Variants in LHCGR observed in about 807,000 individuals in gnomAD.
The protein encoded by LHCGR is lutropin-choriogonadotropic hormone receptor.
A neutral mutation model predicts 60.7 loss-of-function variants in LHCGR; 55 were observed. The ratio of observed to expected loss-of-function variants is 0.91; its 90% CI spans 0.73 to 1.13. The LOEUF (loss-of-function observed/expected upper bound fraction) is 1.13. Among genes scored for constraint, LHCGR ranks in the 50% most tolerant of loss-of-function variants. LHCGR has a pLI of 0.00. For missense variants in LHCGR, 862 were observed against 836.0 expected, an observed-to-expected ratio of 1.03 and a Z score of -0.38; for synonymous variants, 337 against 316.5, an observed-to-expected ratio of 1.06 and a Z score of -0.69.
intron 6 of LHCGR, among the ~76,000 whole-genome samples, chr2:48,719,797 A>G (rs1469415130): frequency 6.6e-6 from 1 of 152,200 alleles, no homozygotes; most frequent in Admixed American, 6.5e-5. Flanking sequence ...CTCAAATACC[A>G]CTAATAATGA....
At chr2:48,694,335 G>A in intron 9 of LHCGR, 31 bp from the exon 10 acceptor site, 1 of 1,407,086 alleles carries the variant, frequency 7.1e-7, no homozygotes, top group Non-Finnish European at 1.0e-6. Flanking sequence ...AAAAGCATTT[G>A]AGCTTTTGGA....
Position 48,687,098 on chromosome 2 carries a change from A to T in LHCGR, c.*599T>A. The T allele has an allele frequency of 6.6e-6, 1 of 152,608 alleles. No homozygotes were observed. Among genetic ancestry groups the T allele is most frequent in the South Asian group, 2.1e-4 (1 of 4,846 alleles). The allele number at this position is 152,608 out of a possible 1,614,324, so 9.5% of individuals were successfully genotyped here. A position where few individuals can be genotyped will look rare whatever the true frequency, so the allele number is the denominator to read the frequency against. On this transcript the variant is annotated 3_prime_UTR_variant, in exon 11 of 11. Transcript: ENST00000294954. ...AAAGTCTCTATAATAGAACAGATAG[A>T]ACTTTCTGTGGTGATGAAAATATTC... is the stretch of plus-strand genomic sequence containing the variant.
At chr2:48,751,837 A>G (rs1274758663) in intron 1 of LHCGR, among the ~76,000 whole-genome samples, 1 of 152,222 alleles carries the variant, frequency 6.6e-6, no homozygotes, top group Non-Finnish European at 1.5e-5. Flanking sequence ...ACAAAATCTA[A>G]AAGTTTAATT....
At chr2:48,736,557 C>G (rs371253826) in intron 1 of LHCGR, among the ~76,000 whole-genome samples, 3 of 152,152 alleles carry the variant, frequency 2.0e-5, no homozygotes, top group East Asian at 1.9e-4. Flanking sequence ...GGGGCTTGGG[C>G]CCCTCTTCTT....
At chr2:48,718,628 A>G (rs555085926) in intron 6 of LHCGR, among the ~76,000 whole-genome samples, 209 of 152,304 alleles carry the variant, frequency 1.4e-3, no homozygotes, top group Admixed American at 2.6e-3. Flanking sequence ...TTTTCAAATG[A>G]CTATACAAAC....
intron 9 of LHCGR, among the ~76,000 whole-genome samples, chr2:48,697,591 G>C (rs979375175): frequency 3.9e-5 from 6 of 152,184 alleles, no homozygotes; most frequent in Admixed American, 2.0e-4. Context: ...CTATATGCAA[G>C]GTACAAATAA....
chr2:48,755,117 C>G (rs1395410322), intron 1 of LHCGR, among the ~76,000 whole-genome samples: 1 of 152,022 alleles, frequency 6.6e-6, no homozygotes, highest in Non-Finnish European at 1.5e-5. Context: ...ATTCACCTTC[C>G]CTGACGTGGC....
At chr2:48,690,973 G>A (rs1178967268) in intron 10 of LHCGR, among the ~76,000 whole-genome samples, 1 of 152,210 alleles carries the variant, frequency 6.6e-6, no homozygotes, top group African/African-American at 2.4e-5. Context: ...AGCTCTGAAA[G>A]GAACTGAGAG....
At chr2:48,692,401 C>A (rs971978123) in intron 10 of LHCGR, among the ~76,000 whole-genome samples, 6 of 152,154 alleles carry the variant, frequency 3.9e-5, no homozygotes, top group Non-Finnish European at 8.8e-5. Context: ...TTTGTCCTTT[C>A]TTTTTTTGCC....
intron 3 of LHCGR, among the ~76,000 whole-genome samples, chr2:48,728,920 T>G (rs1238750034): frequency 1.3e-5 from 2 of 152,158 alleles, no homozygotes; most frequent in Non-Finnish European, 2.9e-5. Context: ...ATTTCTATCT[T>G]TGTGTTGTGA....
chr2:48,720,416 T>G (rs1030689226), intron 6 of LHCGR: 1 of 152,212 alleles, frequency 6.6e-6, no homozygotes, highest in Admixed American at 6.5e-5. Flanking sequence ...ATTTTTAGAT[T>G]TAGATCAAAG....
At position 48,723,726 on chromosome 2, in the gene LHCGR, G is replaced by A. The variant is rs752292745; in HGVS notation, c.384-30C>T. 5.3e-6 allele frequency: 8 copies of A among 1,499,392 alleles called. No individual in the cohort carries two copies. In the Admixed American group the frequency reaches 1.0e-4, roughly 19 times the overall value. The allele number at this position is 1,499,392 out of a possible 1,614,324, so 92.9% of individuals were successfully genotyped here. ...GATTAGGGACAGGATAGTGGTGTGG[G>A]CAGAGAGTGGGTAAAAGTGATTGTC... On this transcript the variant is annotated intron_variant, in intron 4 of 10. Transcript: ENST00000294954.
chr2:48,734,637 C>T, intron 1 of LHCGR, among the ~76,000 whole-genome samples: 1 of 152,188 alleles, frequency 6.6e-6, no homozygotes, highest in Non-Finnish European at 1.5e-5. Context: ...TACTTGTATT[C>T]CAATAGTTTT....
intron 1 of LHCGR, among the ~76,000 whole-genome samples, chr2:48,740,566 C>G (rs9751901): frequency 0.04 from 6,104 of 152,150 alleles, 432 homozygotes; most frequent in African/African-American, 0.14. Context: ...TGGGAGGCAC[C>G]CCCCAGTAGG....
chr2:48,688,382 A>G lies in LHCGR; in HGVS notation c.1415T>C (p.Ile472Thr). The stretch of plus-strand genomic sequence containing the variant: ...TAATCGCAGCTTTTGGTCCAGGTGA[A>G]TAGCATAGGTGATGGTGTGCCATCT... ...LERWHTITYAIHLDQKLRLRH... is the reference protein window; with the variant it reads ...LERWHTITYATHLDQKLRLRH... Residue 472 changes from isoleucine (I) to threonine (T), a missense_variant, in exon 11 of 11, where the codon ATT becomes ACT. By Grantham distance (89) the Ile-to-Thr change is moderately conservative. Coordinates refer to ENST00000294954, the MANE Select transcript of LHCGR (RefSeq NM_000233.4). This position sits in a 1 kb window ranked among gnomAD's most constrained non-coding sequence, Gnocchi z 5.2. 6.2e-7 allele frequency: 1 copy of G among 1,614,164 alleles called. No individual in the cohort carries two copies.
chr2:48,748,113 A>G (rs562533538), intron 1 of LHCGR, among the ~76,000 whole-genome samples: 1 of 151,636 alleles, frequency 6.6e-6, no homozygotes, highest in South Asian at 2.1e-4. Flanking sequence ...CCTGCTCTGA[A>G]CTCCTATCTT....
Position 48,755,655 on chromosome 2 carries a change from G to T in LHCGR, c.17C>A (p.Ser6Ter). Reference sequence around the variant, plus strand: ...CAGCAGCTTCAGCAGCTGCAGCGCCGAGAACCGCTGCTTCATGGCCGGCGA... The same window carrying T: ...CAGCAGCTTCAGCAGCTGCAGCGCCTAGAACCGCTGCTTCATGGCCGGCGA... MKQRF[S>*]ALQLLKLLLL... The change falls in exon 1 of 11, where the codon TCG (serine) becomes TAG (stop). Residue 6 changes from serine to a stop codon, truncating the protein, a stop_gained. Coordinates refer to ENST00000294954, the MANE Select transcript of LHCGR (RefSeq NM_000233.4). LOFTEE classifies it high-confidence loss of function. The T allele has an allele frequency of 6.5e-7, 1 of 1,534,944 alleles. No homozygotes were observed. The highest frequency in any genetic ancestry group is 8.7e-7 in the Non-Finnish European group (1 of 1,145,830).
At chr2:48,751,488 C>A (rs1251324489) in intron 1 of LHCGR, among the ~76,000 whole-genome samples, 2 of 152,192 alleles carry the variant, frequency 1.3e-5, no homozygotes, top group Non-Finnish European at 2.9e-5. Context: ...CCCTTGGAGA[C>A]TTCAGTTCAT....
At chr2:48,706,454 G>A (rs1667678487) in intron 8 of LHCGR, among the ~76,000 whole-genome samples, 1 of 152,160 alleles carries the variant, frequency 6.6e-6, no homozygotes, top group Admixed American at 6.5e-5. Flanking sequence ...TTGCTAGGTT[G>A]GGGAAGTTCT....
Sources: allele counts gnomAD v4.1 joint callset (sites outside exome capture counted in the v4.1 genomes callset), GRCh38; gene constraint gnomAD v4.1.1; non-coding constraint Gnocchi (gnomAD v3.1); transcripts MANE v1.5; gene names NCBI Gene and HGNC (gene_info 2026-07-23, HGNC 2026-07-21).